Variants in COPZ1 observed in about 807,000 individuals in gnomAD.
The protein encoded by COPZ1 is coatomer subunit zeta-1.
In COPZ1, 4 loss-of-function variants were observed where a neutral mutation model predicts 31.7. That is an observed-to-expected ratio of 0.13 (90% CI 0.06 to 0.29). The LOEUF (loss-of-function observed/expected upper bound fraction) is 0.29. Ranked by LOEUF, COPZ1 falls within the 10% of genes least tolerant of loss-of-function variation. The probability of loss-of-function intolerance (pLI) is 1.00; values close to 1 mark genes in which losing one functional copy is unlikely to be tolerated. For synonymous variants in COPZ1, 74 were observed against 79.0 expected (o/e 0.94, Z 0.33); for missense variants, 156 against 211.5 (o/e 0.74, Z 1.63).
chr12:54,335,450 C>T (rs1214245315), intron 1 of COPZ1, among the ~76,000 whole-genome samples: 2 of 151,632 alleles, frequency 1.3e-5, no homozygotes, highest in East Asian at 3.9e-4. Context: ...GCTCTGTCGC[C>T]CAGGCTGGAG....
chr12:54,349,671 C>T lies in COPZ1; in HGVS notation c.486+13C>T, dbSNP rs370011048. 1.2e-6 allele frequency: 2 copies of T among 1,604,428 alleles called. No individual in the cohort carries two copies. The highest frequency in any genetic ancestry group is 2.7e-5 in the African/African-American group (2 of 74,706). The stretch of plus-strand genomic sequence containing the variant: ...GACCGTGTCTCAGGTATGACTCTCC[C>T]TTCTTCCTTTCCAGATGGACTGGGT... On this transcript the variant is annotated intron_variant, in intron 8 of 8. Transcript: ENST00000262061.
At chr12:54,349,890 C>G in intron 8 of COPZ1, 2 of 608,412 alleles carry the variant, frequency 3.3e-6, no homozygotes, top group Non-Finnish European at 5.9e-6. Context: ...GCTCTGTACC[C>G]TTCAAACCCT....
At chr12:54,334,689 T>TA (rs1189629126) in intron 1 of COPZ1, among the ~76,000 whole-genome samples, 1 of 151,060 alleles carries the variant, frequency 6.6e-6, no homozygotes, top group Non-Finnish European at 1.5e-5. Context: ...CCGTCTCTAC[T>TA]AAAAAAAATA....
At position 54,347,863 on chromosome 12, in the gene COPZ1, C is replaced by G. The variant is rs770946815; in HGVS notation, c.395+19C>G. ...ATGGAGGGTAAGTTCTCTGACCTGCCTTGATCTTGGGTGAGGTGGCGGGAT... is the reference window on the plus strand; with the variant it reads ...ATGGAGGGTAAGTTCTCTGACCTGCGTTGATCTTGGGTGAGGTGGCGGGAT... On this transcript the variant is annotated intron_variant, in intron 6 of 8. Transcript: ENST00000262061. 6.2e-7 allele frequency: 1 copy of G among 1,612,740 alleles called. No homozygotes were observed. Among genetic ancestry groups the G allele is most frequent in the Non-Finnish European group, 8.5e-7 (1 of 1,179,154 alleles).
At chr12:54,340,509 G>T (rs1297839523) in intron 1 of COPZ1, 38 bp from the exon 2 acceptor site, 30 of 1,612,310 alleles carry the variant, frequency 1.9e-5, no homozygotes, top group Non-Finnish European at 2.4e-5. Flanking sequence ...GTGGTGATGG[G>T]AGGCTTCAGG....
chr12:54,346,747 T>C, intron 5 of COPZ1: 3 of 677,842 alleles, frequency 4.4e-6, no homozygotes, highest in Non-Finnish European at 8.1e-6. Context: ...TCTCAGCTAC[T>C]TGGGAGGCTG....
At chr12:54,344,287 C>G (rs140137690) in intron 4 of COPZ1, among the ~76,000 whole-genome samples, 44 of 151,836 alleles carry the variant, frequency 2.9e-4, no homozygotes, top group African/African-American at 1.0e-3. Flanking sequence ...CCCATCTCTA[C>G]TAAAAATACA....
At chr12:54,339,980 C>CGTGTGT (rs10522684) in intron 1 of COPZ1, among the ~76,000 whole-genome samples, 1,493 of 142,128 alleles carry the variant, frequency 0.011, 20 homozygotes, top group African/African-American at 0.032. Flanking sequence ...TGTGCCTGTG[C>CGTGTGT]GTGTGTGTGT....
chr12:54,331,112 T>C (rs1953742671), intron 1 of COPZ1, among the ~76,000 whole-genome samples: 1 of 151,906 alleles, frequency 6.6e-6, no homozygotes. Context: ...TGTTGTGTAA[T>C]CTAAGTTATA....
chr12:54,341,032 T>TA (rs1450738521), intron 2 of COPZ1, among the ~76,000 whole-genome samples: 1 of 152,218 alleles, frequency 6.6e-6, no homozygotes, highest in African/African-American at 2.4e-5. Flanking sequence ...CTACTCCAGA[T>TA]AAAACCTGTT....
At chr12:54,342,724 C>G in intron 3 of COPZ1, 1 of 181,872 alleles carries the variant, frequency 5.5e-6, no homozygotes, top group Non-Finnish European at 1.2e-5. Flanking sequence ...TAGACTCCCC[C>G]AAGTTCATAC....
At chr12:54,345,773 T>C (rs975785821) in intron 5 of COPZ1, among the ~76,000 whole-genome samples, 30 of 151,826 alleles carry the variant, frequency 2.0e-4, no homozygotes, top group African/African-American at 7.3e-4. Context: ...CTGGTTAACA[T>C]GGGGAAACCC....
At chr12:54,335,949 A>G (rs1265385969) in intron 1 of COPZ1, among the ~76,000 whole-genome samples, 1 of 152,106 alleles carries the variant, frequency 6.6e-6, no homozygotes. Flanking sequence ...AAGTGCTAGG[A>G]TTACAGGCAT....
rs1954141623 is a variant in COPZ1, at chr12:54,351,211, G to C, written c.*688G>C. The C allele has an allele frequency of 6.6e-6, 1 of 152,482 alleles. No homozygotes were observed. Among genetic ancestry groups the C allele is most frequent in the Non-Finnish European group, 1.5e-5 (1 of 68,222 alleles). The allele number at this position is 152,482 out of a possible 1,614,324, so 9.4% of individuals were successfully genotyped here. A position where few individuals can be genotyped will look rare whatever the true frequency, so the allele number is the denominator to read the frequency against. On this transcript the variant is annotated 3_prime_UTR_variant, in exon 9 of 9. Coordinates refer to ENST00000262061, the MANE Select transcript of COPZ1 (RefSeq NM_016057.3). Reference sequence around the variant, plus strand: ...TATAGCTTCAAAACTGCAGTGGCGAGTGTCCATCTCTTAGTTAGCTACCTT... The same window carrying C: ...TATAGCTTCAAAACTGCAGTGGCGACTGTCCATCTCTTAGTTAGCTACCTT...
intron 8 of COPZ1, chr12:54,350,256 TCTC>T: frequency 1.4e-6 from 1 of 713,986 alleles, no homozygotes. Context: ...GTATACCTCT[TCTC>T]TCTTCATCCC....
At chr12:54,326,640 G>GGTGTGTGTGTGTGTGTGT (rs71070816) in intron 1 of COPZ1, among the ~76,000 whole-genome samples, 3 of 134,486 alleles carry the variant, frequency 2.2e-5, no homozygotes, top group Admixed American at 8.0e-5. Flanking sequence ...GATTTGGAGG[G>GGTGTGTGTGTGTGTGTGT]GTGTGTGTGT....
chr12:54,347,707 G>A, intron 5 of COPZ1, 60 bp from the exon 6 acceptor site: 1 of 1,488,132 alleles, frequency 6.7e-7, no homozygotes, highest in Non-Finnish European at 9.3e-7. Flanking sequence ...TTGAGACAAG[G>A]TCCTAGGATT....
At chr12:54,327,720 T>C (rs1321207845) in intron 1 of COPZ1, among the ~76,000 whole-genome samples, 7 of 151,542 alleles carry the variant, frequency 4.6e-5, no homozygotes, top group Admixed American at 2.6e-4. Flanking sequence ...GCTATGATTG[T>C]GCCACTGCAC....
At chr12:54,327,465 CT>C (rs1362211061) in intron 1 of COPZ1, among the ~76,000 whole-genome samples, 1 of 151,622 alleles carries the variant, frequency 6.6e-6, no homozygotes, top group African/African-American at 2.4e-5. Context: ...ACCTGGCTAA[CT>C]TTTTTGTATT....
Sources: allele counts gnomAD v4.1 joint callset (sites outside exome capture counted in the v4.1 genomes callset), GRCh38; gene constraint gnomAD v4.1.1; transcripts MANE v1.5; gene names NCBI Gene and HGNC (gene_info 2026-07-23, HGNC 2026-07-21).